FBXO11: variants seen among roughly 807,000 people sequenced by gnomAD.
FBXO11 encodes F-box only protein 11.
Under a neutral mutation model 117.0 loss-of-function variants are expected in FBXO11, and 13 were observed. That is an observed-to-expected ratio of 0.11 (90% confidence interval 0.07 to 0.18). FBXO11 has a LOEUF of 0.18. Ranked by LOEUF, FBXO11 falls within the 10% of genes least tolerant of loss-of-function variation. The pLI is 1.00. For synonymous variants in FBXO11, 490 were observed against 380.5 expected (o/e 1.29, Z -3.35); for missense variants, 767 against 1,164.4 (o/e 0.66, Z 4.97).
At chr2:47,886,314 G>C (rs1161227068) in intron 1 of FBXO11, among the ~76,000 whole-genome samples, 3 of 152,058 alleles carry the variant, frequency 2.0e-5, no homozygotes, top group Non-Finnish European at 2.9e-5. Context: ...AGACCAGCCT[G>C]ACCAACATGG....
Position 47,818,876 on chromosome 2 carries a change from A to T in FBXO11, c.1921-12T>A. The T allele has an allele frequency of 1.3e-6, 2 of 1,548,064 alleles. No individual in the cohort carries two copies. Among genetic ancestry groups the T allele is most frequent in the South Asian group, 1.2e-5 (1 of 82,258 alleles). On this transcript the variant is annotated splice_polypyrimidine_tract_variant and intron_variant, in intron 15 of 22. Transcript: ENST00000403359. ...AAATAAACACCAACCTAAAATTTAA[A>T]AAAAAAAAAAAAGCTTTTTCAAGGG...
chr2:47,901,334 T>A (rs1186856344), intron 1 of FBXO11, among the ~76,000 whole-genome samples: 16 of 151,632 alleles, frequency 1.1e-4, no homozygotes, highest in Non-Finnish European at 1.5e-5. Context: ...ACTATAAATA[T>A]CACAATTAGA....
chr2:47,835,942 C>A lies in FBXO11; in HGVS notation c.647G>T (p.Gly216Val). Residue 216 changes from glycine (G) to valine (V), a missense_variant, in exon 5 of 23, where the codon GGA (glycine) becomes GTA (valine). Physicochemically the swap from Gly to Val is moderately radical, Grantham distance 109. Coordinates refer to ENST00000403359, the MANE Select transcript of FBXO11 (RefSeq NM_001190274.2). ...TTCTGGATTAATCTGGTAGAATTTT[C>A]CAGGTTCAGGATGCATCATAGGGCG... is the stretch of plus-strand genomic sequence containing the variant. ...YTRPMMHPEP[G>V]KFYQINPEEY... 1 of 1,612,038 alleles carries A rather than the reference C, an allele frequency of 6.2e-7. No homozygotes were observed. Among genetic ancestry groups the A allele is most frequent in the Non-Finnish European group, 8.5e-7 (1 of 1,178,410 alleles).
chr2:47,882,554 A>G (rs1240492675), intron 1 of FBXO11, among the ~76,000 whole-genome samples: 3 of 152,230 alleles, frequency 2.0e-5, no homozygotes, highest in African/African-American at 7.2e-5. Flanking sequence ...ACTTAAAAAA[A>G]TAAAATCTTT....
intron 1 of FBXO11, among the ~76,000 whole-genome samples, chr2:47,875,794 G>C (rs1246382675): frequency 1.3e-5 from 2 of 152,226 alleles, no homozygotes; most frequent in East Asian, 1.9e-4. Flanking sequence ...TATTCCAACT[G>C]ACCCTGATGG....
In FBXO11 at chr2:47,906,444, G is replaced by T. The variant is rs1453710377; in HGVS notation, c.-724C>A. 6.6e-6 allele frequency among the ~76,000 whole-genome samples: 1 copy of T among 152,086 alleles called. No individual in the cohort carries two copies. ...CGTCAGCCCTGTCGCCGCTGCTTCTGCTGCTGCTCCGTGGCAGGAGGAGCC... is the reference window on the plus strand; with the variant it reads ...CGTCAGCCCTGTCGCCGCTGCTTCTTCTGCTGCTCCGTGGCAGGAGGAGCC... On this transcript the variant is annotated 5_prime_UTR_variant, in exon 1 of 23. Transcript: ENST00000403359.
chr2:47,835,747 C>T (rs1672512388), intron 5 of FBXO11, 125 bp downstream of exon 5: 2 of 580,332 alleles, frequency 3.4e-6, no homozygotes, highest in Non-Finnish European at 2.7e-6. Context: ...ATCCTCCTAC[C>T]TCGGCCTCCC....
chr2:47,808,282 G>A (rs1323154333), intron 22 of FBXO11, 35 bp from the exon 23 acceptor site: 6 of 1,612,650 alleles, frequency 3.7e-6, no homozygotes, highest in Non-Finnish European at 5.1e-6. Flanking sequence ...TTAGAAAAGT[G>A]AGGGGGAAAG....
At chr2:47,859,492 A>G (rs1020621281) in intron 1 of FBXO11, among the ~76,000 whole-genome samples, 2 of 152,248 alleles carry the variant, frequency 1.3e-5, no homozygotes, top group African/African-American at 4.8e-5. Flanking sequence ...CAAAGATTTA[A>G]AAGTAACAGG....
Position 47,812,888 on chromosome 2 carries a change from T to C in FBXO11, c.2227+346A>G, listed in dbSNP as rs571113087. On this transcript the variant is annotated intron_variant, in intron 18 of 22. Coordinates refer to ENST00000403359, the MANE Select transcript of FBXO11 (RefSeq NM_001190274.2). ...CCCGTTTACTAAAGACATTTTCAGA[T>C]ATTTACAGATCAATTTCTCACATCT... 1.5e-3 allele frequency: 401 copies of C among 267,272 alleles called. 8 individuals carry two copies. The highest frequency in any genetic ancestry group is 9.6e-3 in the South Asian group (237 of 24,678). The allele number at this position is 267,272 out of a possible 1,614,324, so 16.6% of individuals were successfully genotyped here.
chr2:47,847,628 G>A (rs1347211378), intron 1 of FBXO11, among the ~76,000 whole-genome samples: 1 of 151,914 alleles, frequency 6.6e-6, no homozygotes, highest in Non-Finnish European at 1.5e-5. Context: ...AGAACCGCTT[G>A]AACCCAGGAG....
At chr2:47,904,386 C>T (rs927217557) in intron 1 of FBXO11, among the ~76,000 whole-genome samples, 4 of 152,092 alleles carry the variant, frequency 2.6e-5, no homozygotes, top group African/African-American at 9.7e-5. Flanking sequence ...AGGTGCAACA[C>T]CCCCCCTCAT....
Position 47,860,724 on chromosome 2 carries a change from T to C in FBXO11, c.233-20955A>G, listed in dbSNP as rs1315682510. Among the ~76,000 whole-genome samples the C allele has an allele frequency of 2.0e-5, 3 of 149,164 alleles. No individual in the cohort carries two copies. In the East Asian group the frequency reaches 6.0e-4, roughly 30 times the overall value. On this transcript the variant is annotated intron_variant, in intron 1 of 22. Coordinates refer to ENST00000403359, the MANE Select transcript of FBXO11 (RefSeq NM_001190274.2). ...GCCCAGCCTACCCTGGGTTATTAAC[T>C]AAGGCTAATCAAAACTTTTCCCTGC...
At chr2:47,856,063 A>T (rs77821865) in intron 1 of FBXO11, among the ~76,000 whole-genome samples, 1 of 152,328 alleles carries the variant, frequency 6.6e-6, no homozygotes, top group African/African-American at 2.4e-5. Context: ...GCGTGCTATC[A>T]TTACATTATG....
At chr2:47,901,096 CATATATAT>C (rs1250754498) in intron 1 of FBXO11, among the ~76,000 whole-genome samples, 1 of 101,102 alleles carries the variant, frequency 9.9e-6, no homozygotes, top group Non-Finnish European at 2.1e-5. Context: ...CATATATATA[CATATATAT>C]GTATATATGT....
chr2:47,841,335 C>G (rs1254628670), intron 1 of FBXO11, among the ~76,000 whole-genome samples: 1 of 152,146 alleles, frequency 6.6e-6, no homozygotes, highest in Non-Finnish European at 1.5e-5. Context: ...TAGAAACATT[C>G]CAGTAATGAA....
intron 1 of FBXO11, among the ~76,000 whole-genome samples, chr2:47,844,880 G>A (rs868360823): frequency 3.3e-5 from 5 of 152,208 alleles, no homozygotes; most frequent in Middle Eastern, 6.8e-3. Flanking sequence ...CAAGTGATCC[G>A]CCTAACTTGG....
chr2:47,881,501 C>T (rs1364118437), intron 1 of FBXO11, among the ~76,000 whole-genome samples: 3 of 152,100 alleles, frequency 2.0e-5, no homozygotes, highest in Non-Finnish European at 4.4e-5. Context: ...TCCCATTACC[C>T]TATTTAATCA....
intron 1 of FBXO11, among the ~76,000 whole-genome samples, chr2:47,862,826 G>A (rs998833156): frequency 1.3e-5 from 2 of 152,024 alleles, no homozygotes; most frequent in Non-Finnish European, 2.9e-5. Flanking sequence ...AGGCTGAGGT[G>A]GACAGATCAC....
Sources: gnomAD v4.1 joint callset for allele counts (sites outside exome capture counted in the v4.1 genomes callset) on GRCh38, gnomAD v4.1.1 for gene constraint, MANE v1.5 for transcripts, NCBI Gene and HGNC (gene_info 2026-07-23, HGNC 2026-07-21) for gene names.